CRYBG1: variants seen among roughly 807,000 people sequenced by gnomAD.
CRYBG1 encodes crystallin beta-gamma domain containing 1.
A neutral mutation model predicts 189.2 loss-of-function variants in CRYBG1; 139 were observed. That is an observed-to-expected ratio of 0.73 (90% CI 0.64 to 0.85). The LOEUF (loss-of-function observed/expected upper bound fraction) is 0.85. Ranked by LOEUF, CRYBG1 falls within the 40% of genes least tolerant of loss-of-function variation. The probability of loss-of-function intolerance (pLI) is 0.00; values close to 1 mark genes in which losing one functional copy is unlikely to be tolerated. For missense variants in CRYBG1, 2,611 were observed against 2,675.8 expected (o/e 0.98, Z 0.53); for synonymous variants, 1,023 against 1,017.1 (o/e 1.01, Z -0.11).
At chr6:106,443,716 T>TC (rs1771606635) in intron 1 of CRYBG1, among the ~76,000 whole-genome samples, 1 of 152,120 alleles carries the variant, frequency 6.6e-6, no homozygotes, top group South Asian at 2.1e-4. Flanking sequence ...TAATTTTTTT[T>TC]TCATTTTTAG....
At chr6:106,562,540 G>A (rs1204345660) in intron 20 of CRYBG1, among the ~76,000 whole-genome samples, 3 of 152,184 alleles carry the variant, frequency 2.0e-5, no homozygotes, top group Non-Finnish European at 4.4e-5. Flanking sequence ...AGGCTGGAGT[G>A]CAGTGGCACT....
intron 2 of CRYBG1, among the ~76,000 whole-genome samples, chr6:106,472,262 G>A (rs1341623769): frequency 2.0e-5 from 3 of 152,132 alleles, no homozygotes; most frequent in Non-Finnish European, 4.4e-5. Context: ...TGAACACAAA[G>A]TGTATGTTTT....
At chr6:106,493,344 T>G (rs140067646) in intron 2 of CRYBG1, among the ~76,000 whole-genome samples, 8 of 152,260 alleles carry the variant, frequency 5.3e-5, no homozygotes, top group African/African-American at 1.7e-4. Context: ...CAAAAAATAA[T>G]AAGTTGGTGA....
At chr6:106,379,302 C>G (rs528937768) in intron 1 of CRYBG1, among the ~76,000 whole-genome samples, 1 of 151,376 alleles carries the variant, frequency 6.6e-6, no homozygotes, top group South Asian at 2.1e-4. Context: ...CTCTCTGTTG[C>G]CCAGGCTGGA....
chr6:106,467,942 T>C (rs1344666722), intron 2 of CRYBG1, among the ~76,000 whole-genome samples: 1 of 152,192 alleles, frequency 6.6e-6, no homozygotes, highest in Non-Finnish European at 1.5e-5. Flanking sequence ...CCAGGGATTA[T>C]GGTCCTGAAG....
At chr6:106,480,656 G>A (rs1159346165) in intron 2 of CRYBG1, among the ~76,000 whole-genome samples, 3 of 147,002 alleles carry the variant, frequency 2.0e-5, no homozygotes, top group Admixed American at 1.4e-4. Flanking sequence ...GACAGAGCAA[G>A]ACTCCATCTC....
At chr6:106,426,005 G>A (rs368513214) in intron 1 of CRYBG1, among the ~76,000 whole-genome samples, 1 of 152,074 alleles carries the variant, frequency 6.6e-6, no homozygotes, top group African/African-American at 2.4e-5. Context: ...CAATCCTACT[G>A]TATTTCCTTA....
intron 2 of CRYBG1, among the ~76,000 whole-genome samples, chr6:106,453,031 T>TA (rs1266015086): frequency 1.3e-5 from 2 of 152,224 alleles, no homozygotes; most frequent in Non-Finnish European, 2.9e-5. Context: ...ATTAACGGTT[T>TA]AAAAAATTAC....
At chr6:106,361,856 C>T (rs1378493170) in intron 1 of CRYBG1, among the ~76,000 whole-genome samples, 2 of 152,036 alleles carry the variant, frequency 1.3e-5, no homozygotes, top group Admixed American at 6.6e-5. Context: ...GGACAATTGA[C>T]AATGTCCAGT....
Position 106,416,980 on chromosome 6 carries a change from A to G in CRYBG1, c.174-34714A>G, listed in dbSNP as rs193137665. Among the ~76,000 whole-genome samples the G allele has an allele frequency of 9.1e-4, 136 of 149,098 alleles. 4 individuals carry two copies. Among genetic ancestry groups the G allele is most frequent in the Non-Finnish European group, 2.1e-4 (14 of 67,476 alleles). ...GTTTTTTTTACATTAATTGAGAACAAAGGCAATGATGGGATTTACTTTTTT... is the reference window on the plus strand; with the variant it reads ...GTTTTTTTTACATTAATTGAGAACAGAGGCAATGATGGGATTTACTTTTTT... On this transcript the variant is annotated intron_variant, in intron 1 of 21. Coordinates refer to ENST00000633556, the MANE Select transcript of CRYBG1 (RefSeq NM_001371242.2).
intron 21 of CRYBG1, among the ~76,000 whole-genome samples, chr6:106,567,696 A>G (rs905807381): frequency 1.3e-5 from 2 of 152,202 alleles, no homozygotes; most frequent in Admixed American, 6.5e-5. Context: ...AAAAAAAATC[A>G]GATAACCCTT....
intron 1 of CRYBG1, among the ~76,000 whole-genome samples, chr6:106,430,636 C>G (rs1381592524): frequency 6.6e-6 from 1 of 152,008 alleles, no homozygotes; most frequent in Non-Finnish European, 1.5e-5. Context: ...ATAGTGGCAG[C>G]TGGCTGAGCC....
chr6:106,363,548 C>T (rs1771921109), intron 1 of CRYBG1, among the ~76,000 whole-genome samples: 1 of 152,118 alleles, frequency 6.6e-6, no homozygotes, highest in African/African-American at 2.4e-5. Context: ...TCTTAAGCCT[C>T]CTGACCATAT....
intron 1 of CRYBG1, among the ~76,000 whole-genome samples, chr6:106,411,775 C>T (rs1329215517): frequency 6.6e-6 from 1 of 152,096 alleles, no homozygotes; most frequent in Non-Finnish European, 1.5e-5. Flanking sequence ...CAGTCTGTTG[C>T]CAAAGGCCTG....
intron 3 of CRYBG1, among the ~76,000 whole-genome samples, chr6:106,517,331 CATATATATAT>C (rs1291399490): frequency 4.2e-5 from 5 of 118,846 alleles, no homozygotes; most frequent in East Asian, 4.5e-4. Context: ...TATATATACA[CATATATATAT>C]ACACACACAT....
chr6:106,530,194 A>C lies in CRYBG1; in HGVS notation c.4597A>C (p.Ile1533Leu). The change falls in exon 8 of 22, where the codon ATT becomes CTT. Residue 1533 changes from isoleucine (I) to leucine (L), a missense_variant. Physicochemically the swap from Ile to Leu is conservative, Grantham distance 5. This residue lies in a region of CRYBG1 where 1,622 missense variants were observed against 1,735.0 expected (regional missense o/e 0.93). Coordinates refer to ENST00000633556, the MANE Select transcript of CRYBG1 (RefSeq NM_001371242.2). ...TTTTCAGGATTACAGAGTTAGTCAC[A>C]TTGACTTATTTACTGAACCAGAAGG... is the stretch of plus-strand genomic sequence containing the variant. ...HVVQDYRVSH[I>L]DLFTEPEGLG... is the part of the protein sequence containing the mutation. 1.9e-6 allele frequency: 3 copies of C among 1,611,864 alleles called. No homozygotes were observed. In the African/African-American group the frequency reaches 4.0e-5, roughly 22 times the overall value.
At chr6:106,377,975 G>T (rs1343860123) in intron 1 of CRYBG1, among the ~76,000 whole-genome samples, 3 of 152,096 alleles carry the variant, frequency 2.0e-5, no homozygotes. Context: ...TAAATTCTTT[G>T]TGCTTCAGGG....
intron 1 of CRYBG1, among the ~76,000 whole-genome samples, chr6:106,363,352 G>A (rs2749086): frequency 0.67 from 100,952 of 151,658 alleles, 33,718 homozygotes; most frequent in African/African-American, 0.73. Flanking sequence ...CTTCAGAACC[G>A]TGATGAACTT....
intron 20 of CRYBG1, among the ~76,000 whole-genome samples, chr6:106,562,794 A>G (rs1302288068): frequency 6.6e-6 from 1 of 151,482 alleles, no homozygotes; most frequent in Non-Finnish European, 1.5e-5. Flanking sequence ...GCCTACAATA[A>G]TACACTTTTA....
Sources: allele counts gnomAD v4.1 joint callset (sites outside exome capture counted in the v4.1 genomes callset), GRCh38; gene constraint gnomAD v4.1.1; regional missense constraint gnomAD v4.1.1; transcripts MANE v1.5; gene names NCBI Gene and HGNC (gene_info 2026-07-23, HGNC 2026-07-21).